IMMP2L: variants seen among roughly 807,000 people sequenced by gnomAD.
The protein encoded by IMMP2L is mitochondrial inner membrane protease subunit 2.
IMMP2L carries 18 observed loss-of-function variants against 19.3 expected under a neutral mutation model. The observed-to-expected ratio is 0.93, with a 90% CI of 0.64 to 1.38. The LOEUF (loss-of-function observed/expected upper bound fraction) is 1.38, where lower values mean the gene tolerates loss of function less well. Ranked by LOEUF, IMMP2L falls within the 40% of genes most tolerant of loss-of-function variation. The pLI is 0.00. For synonymous variants in IMMP2L, 76 were observed against 73.0 expected (o/e 1.04, Z -0.21); for missense variants, 233 against 218.2 (o/e 1.07, Z -0.43).
At chr7:110,894,474 T>C (rs937068218) in intron 4 of IMMP2L, among the ~76,000 whole-genome samples, 1 of 152,238 alleles carries the variant, frequency 6.6e-6, no homozygotes, top group Non-Finnish European at 1.5e-5. Context: ...TAATGACTAA[T>C]GATTTGAGCA....
At chr7:110,852,366 T>C (rs2131536163) in intron 5 of IMMP2L, among the ~76,000 whole-genome samples, 1 of 152,164 alleles carries the variant, frequency 6.6e-6, no homozygotes, top group Non-Finnish European at 1.5e-5. Context: ...ATACAGTTCA[T>C]TACTCACAGC....
At chr7:110,878,816 A>C (rs763958216) in intron 5 of IMMP2L, among the ~76,000 whole-genome samples, 3 of 152,168 alleles carry the variant, frequency 2.0e-5, no homozygotes, top group Non-Finnish European at 4.4e-5. Context: ...CAAACATCAC[A>C]GACCTTTCAA....
At chr7:111,466,189 C>T (rs867161563) in intron 3 of IMMP2L, among the ~76,000 whole-genome samples, 6 of 151,792 alleles carry the variant, frequency 4.0e-5, no homozygotes, top group South Asian at 2.1e-4. Context: ...GTGGAGGGAG[C>T]GGGGAGGGAT....
intron 3 of IMMP2L, among the ~76,000 whole-genome samples, chr7:111,195,980 C>A (rs933358439): frequency 3.3e-5 from 5 of 152,028 alleles, no homozygotes; most frequent in Non-Finnish European, 5.9e-5. Flanking sequence ...GATTCTCCCA[C>A]CTTAGCCTCC....
At chr7:110,876,160 T>C (rs1347914612) in intron 5 of IMMP2L, among the ~76,000 whole-genome samples, 1 of 152,182 alleles carries the variant, frequency 6.6e-6, no homozygotes, top group African/African-American at 2.4e-5. Context: ...TAAATAATAA[T>C]GACAAAGAAA....
chr7:111,495,242 C>T (rs1161568497), intron 2 of IMMP2L, among the ~76,000 whole-genome samples: 1 of 152,070 alleles, frequency 6.6e-6, no homozygotes, highest in Admixed American at 6.5e-5. Context: ...TACCCCTCCC[C>T]ACACCTTGTT....
At chr7:110,685,977 G>C (rs1793081589) in intron 5 of IMMP2L, among the ~76,000 whole-genome samples, 1 of 152,064 alleles carries the variant, frequency 6.6e-6, no homozygotes, top group Non-Finnish European at 1.5e-5. Context: ...TTCAATAGCA[G>C]TTAAAAGGTC....
chr7:110,663,175 C>T lies in IMMP2L; in HGVS notation c.*427G>A. ...ATTATGTGTATAATATGTGTTCCTTCTTGTTCTACCTTAACAGCAAGTGAC... is the reference window on the plus strand; with the variant it reads ...ATTATGTGTATAATATGTGTTCCTTTTTGTTCTACCTTAACAGCAAGTGAC... On this transcript the variant is annotated 3_prime_UTR_variant, in exon 6 of 6. Transcript: ENST00000405709. 1 of 187,460 alleles carries T rather than the reference C, an allele frequency of 5.3e-6. No homozygotes were observed. The highest frequency in any genetic ancestry group is 5.5e-5 in the Admixed American group (1 of 18,234). 11.6% of individuals were successfully genotyped at this position (187,460 alleles called of 1,614,324 possible). A position where few individuals can be genotyped will look rare whatever the true frequency, so the allele number is the denominator to read the frequency against.
chr7:110,953,576 C>T (rs113878561), intron 4 of IMMP2L, among the ~76,000 whole-genome samples: 2,443 of 152,132 alleles, frequency 0.016, 64 homozygotes, highest in African/African-American at 0.055. Context: ...CATTGATGGG[C>T]ATTTAGGTTG....
intron 3 of IMMP2L, among the ~76,000 whole-genome samples, chr7:111,059,503 T>C (rs1156998934): frequency 1.3e-5 from 2 of 152,208 alleles, no homozygotes; most frequent in African/African-American, 4.8e-5. Flanking sequence ...CTAAAATATT[T>C]AATTATTACA....
At chr7:111,241,033 T>C (rs1814958487) in intron 3 of IMMP2L, among the ~76,000 whole-genome samples, 2 of 151,930 alleles carry the variant, frequency 1.3e-5, no homozygotes, top group South Asian at 4.2e-4. Context: ...TACACTGTCA[T>C]GGCCGTATCC....
At chr7:111,044,430 G>A (rs1266097695) in intron 3 of IMMP2L, among the ~76,000 whole-genome samples, 2 of 152,104 alleles carry the variant, frequency 1.3e-5, no homozygotes, top group Non-Finnish European at 1.5e-5. Context: ...GCATGGTGAT[G>A]AGCACCTGTA....
At chr7:111,544,453 T>C (rs1023034223) in intron 1 of IMMP2L, among the ~76,000 whole-genome samples, 10 of 152,058 alleles carry the variant, frequency 6.6e-5, no homozygotes, top group Non-Finnish European at 1.2e-4. Context: ...ATTTCTTTAA[T>C]GCAAAGAGAG....
chr7:111,305,116 A>G (rs1306436830), intron 3 of IMMP2L, among the ~76,000 whole-genome samples: 2 of 152,040 alleles, frequency 1.3e-5, no homozygotes, highest in African/African-American at 2.4e-5. Context: ...TTGATTTGCT[A>G]TGAAATGGCA....
At chr7:111,171,040 G>C (rs1018867812) in intron 3 of IMMP2L, among the ~76,000 whole-genome samples, 6 of 151,790 alleles carry the variant, frequency 4.0e-5, no homozygotes, top group African/African-American at 4.8e-5. Flanking sequence ...AACTCTGATT[G>C]TGTGTTTGAT....
At chr7:111,428,277 A>AT (rs2131660971) in intron 3 of IMMP2L, among the ~76,000 whole-genome samples, 1 of 151,866 alleles carries the variant, frequency 6.6e-6, no homozygotes, top group African/African-American at 2.4e-5. Context: ...TTTCTGTTTC[A>AT]CATATAGATG....
At chr7:110,749,979 T>C (rs1487607083) in intron 5 of IMMP2L, among the ~76,000 whole-genome samples, 1 of 152,078 alleles carries the variant, frequency 6.6e-6, no homozygotes, top group Non-Finnish European at 1.5e-5. Flanking sequence ...TCCCAGAAAG[T>C]AATGCTTTTA....
intron 5 of IMMP2L, among the ~76,000 whole-genome samples, chr7:110,832,040 G>C (rs2131387483): frequency 6.6e-6 from 1 of 152,310 alleles, no homozygotes; most frequent in East Asian, 1.9e-4. Context: ...GAGGTGTGCG[G>C]ATCACGAGGT....
chr7:110,720,686 C>G (rs1795512477), intron 5 of IMMP2L, among the ~76,000 whole-genome samples: 1 of 152,294 alleles, frequency 6.6e-6, no homozygotes, highest in East Asian at 1.9e-4. Flanking sequence ...CTTATATTAG[C>G]TGTCTCTATT....
Sources: gnomAD v4.1 joint callset for allele counts (sites outside exome capture counted in the v4.1 genomes callset) on GRCh38, gnomAD v4.1.1 for gene constraint, MANE v1.5 for transcripts, NCBI Gene and HGNC (gene_info 2026-07-23, HGNC 2026-07-21) for gene names.